The following ISM1 variants were observed in gnomAD, a reference collection of about 807,000 sequenced individuals.
ISM1 encodes the protein isthmin-1.
In ISM1, 25 loss-of-function variants were observed where a neutral mutation model predicts 46.3. The observed-to-expected ratio is 0.54, with a 90% CI of 0.39 to 0.75. ISM1 has a LOEUF of 0.75. Ranked by LOEUF, ISM1 falls within the 30% of genes least tolerant of loss-of-function variation. ISM1 has a pLI of 0.00. For synonymous variants in ISM1, 255 were observed against 256.7 expected, an observed-to-expected ratio of 0.99 and a Z score of 0.06; for missense variants, 536 against 625.4, an observed-to-expected ratio of 0.86 and a Z score of 1.52.
intron 1 of ISM1, among the ~76,000 whole-genome samples, chr20:13,224,015 C>G (rs2039483777): frequency 6.6e-6 from 1 of 152,002 alleles, no homozygotes. Context: ...GGGAAGTGGA[C>G]TGAATTCTCA....
At position 13,230,351 on chromosome 20, in the gene ISM1, T is replaced by C. The variant is rs192377817; in HGVS notation, c.138+8437T>C. Among the ~76,000 whole-genome samples, 4 of 152,330 alleles carry C rather than the reference T, an allele frequency of 2.6e-5. No individual in the cohort carries two copies. In the East Asian group the frequency reaches 7.7e-4, roughly 29 times the overall value. ...GGTGGCTGCTCTCTTTTCAAGAAAC[T>C]TCTCCTGTAGAACTTGAAGATTATT... On this transcript the variant is annotated intron_variant, in intron 1 of 5. Transcript: ENST00000262487.
intron 1 of ISM1, among the ~76,000 whole-genome samples, chr20:13,228,688 T>C (rs982867927): frequency 6.6e-6 from 1 of 152,204 alleles, no homozygotes; most frequent in African/African-American, 2.4e-5. Context: ...GTCTAAACTT[T>C]GTCTCCAGCT....
At chr20:13,236,128 T>G (rs1211213170) in intron 1 of ISM1, among the ~76,000 whole-genome samples, 1 of 152,086 alleles carries the variant, frequency 6.6e-6, no homozygotes, top group Non-Finnish European at 1.5e-5. Context: ...TTTCACCATG[T>G]TGGCCAGAAT....
In ISM1 at chr20:13,221,468, C is replaced by T. The variant is rs934262997; in HGVS notation, c.-309C>T. ...CTGTCCCGGGACCCAGTCTCCGTCT[C>T]CGCCGCCGCCGCCGCCAGGCAGCGC... On this transcript the variant is annotated 5_prime_UTR_variant, in exon 1 of 6. Coordinates refer to ENST00000262487, the MANE Select transcript of ISM1 (RefSeq NM_080826.2). Among the ~76,000 whole-genome samples, 11 of 145,564 alleles carry T rather than the reference C, an allele frequency of 7.6e-5. No individual in the cohort carries two copies. The highest frequency in any genetic ancestry group is 4.1e-4 in the East Asian group (2 of 4,844).
intron 3 of ISM1, among the ~76,000 whole-genome samples, chr20:13,286,150 A>G (rs758343352): frequency 3.3e-5 from 5 of 151,832 alleles, no homozygotes; most frequent in Non-Finnish European, 5.9e-5. Context: ...ATTCCCTTTA[A>G]CAAAATCTGG....
At chr20:13,283,898 C>T (rs1490084491) in intron 3 of ISM1, among the ~76,000 whole-genome samples, 2 of 152,052 alleles carry the variant, frequency 1.3e-5, no homozygotes, top group African/African-American at 2.4e-5. Context: ...ATTATGGCCA[C>T]GTAAGAGCGT....
intron 1 of ISM1, among the ~76,000 whole-genome samples, chr20:13,251,689 T>G (rs1014730962): frequency 1.9e-4 from 29 of 152,194 alleles, no homozygotes; most frequent in African/African-American, 7.0e-4. Flanking sequence ...TGCAACAGAC[T>G]CTATCTTCTG....
At chr20:13,296,657 T>C (rs973533355) in intron 5 of ISM1, among the ~76,000 whole-genome samples, 1 of 152,152 alleles carries the variant, frequency 6.6e-6, no homozygotes, top group Admixed American at 6.5e-5. Context: ...TGTGCTGGTT[T>C]AGGCTGAGGG....
At chr20:13,268,405 C>A (rs2040073306) in intron 1 of ISM1, among the ~76,000 whole-genome samples, 3 of 109,446 alleles carry the variant, frequency 2.7e-5, no homozygotes, top group African/African-American at 3.6e-5. Context: ...TCTCTCTCTC[C>A]ATGCTAGGTT....
chr20:13,271,793 T>A (rs1482058801), intron 2 of ISM1, among the ~76,000 whole-genome samples: 1 of 152,164 alleles, frequency 6.6e-6, no homozygotes, highest in Non-Finnish European at 1.5e-5. Flanking sequence ...ATATTTTTTT[T>A]AAAGATGGCC....
Position 13,283,854 on chromosome 20 carries a change from AT to A in ISM1, c.643+3964del, listed in dbSNP as rs557329251. Among the ~76,000 whole-genome samples, 396 of 152,132 alleles carry A rather than the reference AT, an allele frequency of 2.6e-3. 1 individual carries two copies. The highest frequency in any genetic ancestry group is 9.3e-3 in the African/African-American group (384 of 41,482). ...CCCTATTTTAATAGATTTCACAGTG[AT>A]TTTTTTTCAGTGGTTTTCCTTTATA... On this transcript the variant is annotated intron_variant, in intron 3 of 5. Transcript: ENST00000262487.
At chr20:13,298,908 C>A (rs189481232) in intron 5 of ISM1, 34 bp from the exon 6 acceptor site, 3 of 1,603,416 alleles carry the variant, frequency 1.9e-6, no homozygotes, top group Non-Finnish European at 2.6e-6. Flanking sequence ...CGGTTGTACA[C>A]GCGGTGAGAG....
intron 1 of ISM1, among the ~76,000 whole-genome samples, chr20:13,223,718 C>T (rs190885335): frequency 5.3e-5 from 8 of 152,142 alleles, no homozygotes; most frequent in Non-Finnish European, 4.4e-5. Context: ...AATTTCTATG[C>T]GGAAGTTGAA....
the ISM1 span, among the ~76,000 whole-genome samples, chr20:13,310,582 A>G: frequency 3.3e-5 from 5 of 152,244 alleles, no homozygotes; most frequent in African/African-American, 1.2e-4. Context: ...GTTTGCATCA[A>G]AGGAAAAAGG....
At position 13,225,145 on chromosome 20, in the gene ISM1, G is replaced by A. The variant is rs77602969; in HGVS notation, c.138+3231G>A. Among the ~76,000 whole-genome samples the A allele has an allele frequency of 3.1e-3, 476 of 152,034 alleles. 3 individuals are homozygous for A. The highest frequency in any genetic ancestry group is 0.017 in the East Asian group (89 of 5,158). ...TGGGATTACAGGCGTGAGCCACCGC[G>A]CCCGGCCCATACTAGCTTTCTTAAT... is the stretch of plus-strand genomic sequence containing the variant. On this transcript the variant is annotated intron_variant, in intron 1 of 5. Coordinates refer to ENST00000262487, the MANE Select transcript of ISM1 (RefSeq NM_080826.2).
At chr20:13,267,981 T>C (rs778996427) in intron 1 of ISM1, among the ~76,000 whole-genome samples, 1 of 152,212 alleles carries the variant, frequency 6.6e-6, no homozygotes, top group Non-Finnish European at 1.5e-5. Flanking sequence ...CTCCCTAATG[T>C]TGTTGGAGAA....
chr20:13,281,855 C>T (rs1381922520), intron 3 of ISM1, among the ~76,000 whole-genome samples: 2 of 152,222 alleles, frequency 1.3e-5, no homozygotes, highest in East Asian at 1.9e-4. Flanking sequence ...AGAGCTCAGA[C>T]ACCTGGCATC....
At chr20:13,240,970 G>C (rs12625420) in intron 1 of ISM1, among the ~76,000 whole-genome samples, 37,726 of 152,146 alleles carry the variant, frequency 0.25, 4,773 homozygotes, top group African/African-American at 0.3. Flanking sequence ...GGGAGGCTGT[G>C]AAGTGGACAG....
intron 1 of ISM1, among the ~76,000 whole-genome samples, chr20:13,228,264 T>G (rs1038454800): frequency 6.6e-5 from 10 of 152,172 alleles, no homozygotes; most frequent in African/African-American, 2.4e-4. Context: ...TGAGCCACTG[T>G]GCCTGGCCTG....
Sources: gnomAD v4.1 joint callset for allele counts (sites outside exome capture counted in the v4.1 genomes callset) on GRCh38, gnomAD v4.1.1 for gene constraint, MANE v1.5 for transcripts, NCBI Gene and HGNC (gene_info 2026-07-23, HGNC 2026-07-21) for gene names.